Variants in SMIM29 observed in about 807,000 individuals in gnomAD.
SMIM29 encodes the protein small integral membrane protein 29.
A neutral mutation model predicts 12.9 loss-of-function variants in SMIM29; 4 were observed. The observed-to-expected ratio is 0.31, with a 90% CI of 0.15 to 0.71. SMIM29 has a LOEUF of 0.71. Among genes scored for constraint, SMIM29 ranks in the 30% least tolerant of loss-of-function variants. The probability of loss-of-function intolerance (pLI) is 0.70; values close to 1 mark genes in which losing one functional copy is unlikely to be tolerated. For synonymous variants in SMIM29, 50 were observed against 52.0 expected (o/e 0.96, Z 0.17); for missense variants, 122 against 138.1 (o/e 0.88, Z 0.58).
intron 3 of SMIM29, 122 bp downstream of exon 3, chr6:34,247,345 A>G (rs1762838504): frequency 6.6e-6 from 10 of 1,525,632 alleles, no homozygotes; most frequent in African/African-American, 1.4e-5. Flanking sequence ...TGGGGCAGGG[A>G]AAACAAATTT....
At position 34,246,850 on chromosome 6, in the gene SMIM29, T is replaced by A. The variant is rs1434188321; in HGVS notation, c.262A>T (p.Ser88Cys). ...GDPKVVHGWQSGYQHKRMPLL... is the reference protein window; with the variant it reads ...GDPKVVHGWQCGYQHKRMPLL... ...GGCATCCGCTTGTGCTGGTAGCCACTCTGCCAGCCATGTACCACCTGTCGG... is the reference window on the plus strand; with the variant it reads ...GGCATCCGCTTGTGCTGGTAGCCACACTGCCAGCCATGTACCACCTGTCGG... The change falls in exon 5 of 5, where the codon AGT (serine) becomes TGT (cysteine). Residue 88 changes from serine (S) to cysteine (C), a missense_variant. Transcript: ENST00000476320. The A allele has an allele frequency of 6.2e-7, 1 of 1,610,388 alleles. No individual in the cohort carries two copies. The highest frequency in any genetic ancestry group is 8.5e-7 in the Non-Finnish European group (1 of 1,178,102).
At chr6:34,248,346 T>C (rs1469580521) in intron 1 of SMIM29, 20 of 985,364 alleles carry the variant, frequency 2.0e-5, no homozygotes, top group Non-Finnish European at 2.3e-5. Flanking sequence ...CTTCAAGCGA[T>C]GGGCTCCATG....
At position 34,247,119 on chromosome 6, in the gene SMIM29, G is replaced by A. The variant is rs764110455; in HGVS notation, c.168C>T (p.Pro56=). The stretch of plus-strand genomic sequence containing the variant: ...CCTCAGCTGGGTCATAGCTGTACAT[G>A]GGGAGCAGGTGATGGCGCAGCCGGT... ...RVDRLRHHLL[P]MYSYDPAEEL... Residue 56 remains proline (P), a synonymous_variant, in exon 4 of 5, where the codon CCC becomes CCT. Coordinates refer to ENST00000476320, the MANE Select transcript of SMIM29 (RefSeq NM_001008703.4). 5.0e-6 allele frequency: 8 copies of A among 1,614,126 alleles called. No individual in the cohort carries two copies. In the Middle Eastern group the frequency reaches 4.9e-4, roughly 100 times the overall value.
intron 1 of SMIM29, 34 bp downstream of exon 1, chr6:34,248,945 G>A (rs1171175808): frequency 4.1e-6 from 4 of 985,424 alleles, no homozygotes; most frequent in South Asian, 4.7e-5. Context: ...CCGTGCCGGC[G>A]CTCTGCAGCC....
chr6:34,248,471 C>A, intron 1 of SMIM29: 1 of 983,358 alleles, frequency 1.0e-6, no homozygotes, highest in African/African-American at 1.7e-5. Flanking sequence ...TGGATTGTAT[C>A]TTCAAGATGA....
chr6:34,246,968 A>G lies in SMIM29; in HGVS notation c.243+76T>C. 4 of 1,609,024 alleles carry G rather than the reference A, an allele frequency of 2.5e-6. No individual in the cohort carries two copies. In the East Asian group the frequency reaches 8.9e-5, roughly 36 times the overall value. On this transcript the variant is annotated intron_variant, in intron 4 of 4. Coordinates refer to ENST00000476320, the MANE Select transcript of SMIM29 (RefSeq NM_001008703.4). ...GTAAGCAGAACCAGGCTCTGGTTTC[A>G]GTGTGGACGAGTATGGCTGGGAACA...
Position 34,246,620 on chromosome 6 carries a change from A to C in SMIM29, c.*183T>G, listed in dbSNP as rs773452859. ...GAGCTCAACACCCACAAAGGGCAGA[A>C]GGCCTGGGGGCAGTGAGGTGATGGT... On this transcript the variant is annotated 3_prime_UTR_variant, in exon 5 of 5. Transcript: ENST00000476320. 2.5e-6 allele frequency: 4 copies of C among 1,613,866 alleles called. No individual in the cohort carries two copies. Among genetic ancestry groups the C allele is most frequent in the Non-Finnish European group, 3.4e-6 (4 of 1,179,930 alleles).
intron 4 of SMIM29, 66 bp downstream of exon 4, chr6:34,246,978 A>T: frequency 1.2e-6 from 2 of 1,611,654 alleles, no homozygotes; most frequent in Non-Finnish European, 1.7e-6. Flanking sequence ...AGTGTGGACG[A>T]GTATGGCTGG....
In SMIM29 at chr6:34,246,542, G is replaced by A. The variant is rs532743703; in HGVS notation, c.*261C>T. The A allele has an allele frequency of 5.7e-5, 90 of 1,567,464 alleles. No individual in the cohort carries two copies. Among genetic ancestry groups the A allele is most frequent in the East Asian group, 6.8e-5 (3 of 44,340 alleles). Reference sequence around the variant, plus strand: ...GAGAAAGCAAAGGTGTCTACCAGCCGCCCCCATCCCAGAAGGAAAGCCTCT... The same window carrying A: ...GAGAAAGCAAAGGTGTCTACCAGCCACCCCCATCCCAGAAGGAAAGCCTCT... On this transcript the variant is annotated 3_prime_UTR_variant, in exon 5 of 5. Transcript: ENST00000476320.
intron 4 of SMIM29, 52 bp from the exon 5 acceptor site, chr6:34,246,920 T>A (rs1177641264): frequency 6.3e-7 from 1 of 1,597,844 alleles, no homozygotes; most frequent in Non-Finnish European, 8.5e-7. Context: ...CCTGGGAGTC[T>A]GCAGCACCCA....
rs780536519 is a variant in SMIM29 at position 34,246,656 on chromosome 6, G to GA, written c.*146dup. ...CAGTGAGGTGATGGTGAGGGCATGGGAAGCAGATGCTGCTGAGGGTGGGTG... is the reference window on the plus strand; with the variant it reads ...CAGTGAGGTGATGGTGAGGGCATGGGAAAGCAGATGCTGCTGAGGGTGGGTG... On this transcript the variant is annotated 3_prime_UTR_variant, in exon 5 of 5. Coordinates refer to ENST00000476320, the MANE Select transcript of SMIM29 (RefSeq NM_001008703.4). 37 of 1,613,900 alleles carry GA rather than the reference G, an allele frequency of 2.3e-5. No homozygotes were observed. The African/African-American group carries it at 4.3e-4, about 19-fold the overall frequency.
At chr6:34,247,444 G>A (rs928482) in intron 3 of SMIM29, 23 bp downstream of exon 3, 92,367 of 1,571,942 alleles carry the variant, frequency 0.059, 8,149 homozygotes, top group African/African-American at 0.32. Flanking sequence ...GGGTTAGGGC[G>A]GGTGGGGGAC....
chr6:34,248,803 G>A, intron 1 of SMIM29, 176 bp downstream of exon 1: 3 of 985,822 alleles, frequency 3.0e-6, no homozygotes, highest in South Asian at 4.7e-5. Flanking sequence ...CTAGGATGCG[G>A]GCCAGCAACA....
chr6:34,246,940 C>G, intron 4 of SMIM29, 72 bp from the exon 5 acceptor site: 3 of 1,602,174 alleles, frequency 1.9e-6, no homozygotes, highest in Non-Finnish European at 2.6e-6. Context: ...AGTTACAGCC[C>G]AAGTAAGCAG....
chr6:34,247,110 G>A lies in SMIM29; in HGVS notation c.177C>T (p.Ser59=). Residue 59 remains serine (S), a synonymous_variant, in exon 4 of 5, where the codon AGC becomes AGT. Coordinates refer to ENST00000476320, the MANE Select transcript of SMIM29 (RefSeq NM_001008703.4). The part of the protein sequence containing the change: ...RLRHHLLPMY[S]YDPAEELHEA... ...CATGCAGTTCCTCAGCTGGGTCATA[G>A]CTGTACATGGGGAGCAGGTGATGGC... 1 of 1,614,126 alleles carries A rather than the reference G, an allele frequency of 6.2e-7. No homozygotes were observed. Among genetic ancestry groups the A allele is most frequent in the Non-Finnish European group, 8.5e-7 (1 of 1,180,016 alleles).
rs574690504 is a variant in SMIM29 at position 34,246,767 on chromosome 6, A to G, written c.*36T>C. The G allele has an allele frequency of 1.2e-6, 2 of 1,613,266 alleles. No individual in the cohort carries two copies. Among genetic ancestry groups the G allele is most frequent in the East Asian group, 4.5e-5 (2 of 44,858 alleles). On this transcript the variant is annotated 3_prime_UTR_variant, in exon 5 of 5. Transcript: ENST00000476320. ...ATGGCAGGGCCCCAGGCAGTCCAGG[A>G]CCCCAGGCTCTGAAGGGTGGGGCAA...
In SMIM29 at chr6:34,247,164, A is replaced by G. The variant is rs1561883939; in HGVS notation, c.138-15T>C. Reference sequence around the variant, plus strand: ...GCCGGTCCACCCTGGGGAGCAGGGGAGGGGACTCAGCTAGGAGGTCCCCCC... The same window carrying G: ...GCCGGTCCACCCTGGGGAGCAGGGGGGGGGACTCAGCTAGGAGGTCCCCCC... On this transcript the variant is annotated splice_polypyrimidine_tract_variant and intron_variant, in intron 3 of 4. Transcript: ENST00000476320. 6.2e-7 allele frequency: 1 copy of G among 1,613,790 alleles called. No homozygotes were observed.
intron 2 of SMIM29, 46 bp downstream of exon 2, chr6:34,247,635 C>T (rs939258183): frequency 1.4e-6 from 2 of 1,440,030 alleles, no homozygotes; most frequent in African/African-American, 2.9e-5. Context: ...CCAGCCCCTG[C>T]CTTAGCAAAG....
chr6:34,247,699 G>T lies in SMIM29; in HGVS notation c.93C>A (p.Val31=). The T allele has an allele frequency of 9.3e-6, 13 of 1,401,080 alleles. No individual in the cohort carries two copies. The highest frequency in any genetic ancestry group is 1.1e-5 in the Non-Finnish European group (12 of 1,084,524). 86.8% of individuals were successfully genotyped at this position (1,401,080 alleles called of 1,614,324 possible). The change falls in exon 2 of 5, where the codon GTC becomes GTA. Residue 31 remains valine, a synonymous_variant. Transcript: ENST00000476320. ...VLGPFFLITL[V]GVVVAVVMYV... is the part of the protein sequence containing the mutation. ...TCCTTACCACAGCCACCACCACCCC[G>T]ACCAGGGTGATGAGGAAGAAGGGCC...
Sources: gnomAD v4.1 joint callset for allele counts on GRCh38, gnomAD v4.1.1 for gene constraint, MANE v1.5 for transcripts, NCBI Gene and HGNC (gene_info 2026-07-23, HGNC 2026-07-21) for gene names.